Variants in SNAPC4 observed in about 807,000 individuals in gnomAD.
SNAPC4 encodes the protein snRNA-activating protein complex subunit 4.
In SNAPC4, 127 loss-of-function variants were observed where a neutral mutation model predicts 151.3. That is an observed-to-expected ratio of 0.84 (90% CI 0.73 to 0.97). The LOEUF (loss-of-function observed/expected upper bound fraction) is 0.97, where lower values mean the gene tolerates loss of function less well. Ranked by LOEUF, SNAPC4 falls within the 50% of genes least tolerant of loss-of-function variation. SNAPC4 has a pLI of 0.00. For synonymous variants in SNAPC4, 1,002 were observed against 824.4 expected (o/e 1.22, Z -3.69); for missense variants, 2,186 against 1,935.0 (o/e 1.13, Z -2.43).
chr9:136,377,006 G>A (rs958976993), intron 22 of SNAPC4, among the ~76,000 whole-genome samples: 1 of 152,204 alleles, frequency 6.6e-6, no homozygotes, highest in Non-Finnish European at 1.5e-5. Flanking sequence ...CAGGGGAGGA[G>A]GCCTCTCTGG....
chr9:136,385,641 C>G (rs951238118), intron 13 of SNAPC4, among the ~76,000 whole-genome samples: 1 of 151,924 alleles, frequency 6.6e-6, no homozygotes, highest in Non-Finnish European at 1.5e-5. Flanking sequence ...CTGCAACCAC[C>G]AACTCCCAGG....
At position 136,392,053 on chromosome 9, in the gene SNAPC4, C is replaced by T. The variant is rs750791964; in HGVS notation, c.864G>A (p.Glu288=). 6.8e-6 allele frequency: 11 copies of T among 1,612,546 alleles called. No homozygotes were observed. In the Admixed American group the frequency reaches 1.5e-4, roughly 22 times the overall value. ...EEIRKFWQNS[E]HPSINKQEWS... The stretch of plus-strand genomic sequence containing the variant: ...ACTCCTGCTTGTTGATGCTGGGGTG[C>T]TCCGAGTTCTGCCAGAACTTCCGGA... Residue 288 remains glutamate (E), a synonymous_variant, in exon 10 of 24, where the codon GAG becomes GAA. Transcript: ENST00000684778.
rs367974928 is a variant in SNAPC4 at position 136,378,565 on chromosome 9, C to T, written c.3262G>A (p.Val1088Ile). ...AGGCTCACCACAGCTGGTACAGGAA[C>T]AGGGAGAAGCCCCTGGGCTGTGAGC... is the stretch of plus-strand genomic sequence containing the variant. ...WVLTAQGLLP[V>I]PVPAVVSLPR... The change falls in exon 22 of 24, where the codon GTT becomes ATT. Residue 1088 changes from valine (V) to isoleucine (I), a missense_variant. Physicochemically the swap from Val to Ile is conservative, Grantham distance 29. Transcript: ENST00000684778. 7 of 1,591,482 alleles carry T rather than the reference C, an allele frequency of 4.4e-6. No individual in the cohort carries two copies. Among genetic ancestry groups the T allele is most frequent in the African/African-American group, 2.7e-5 (2 of 74,612 alleles).
In SNAPC4 at chr9:136,376,523, C is replaced by T. The variant is rs3812562; in HGVS notation, c.4285-42G>A. 215,833 of 1,605,886 alleles carry T rather than the reference C, an allele frequency of 0.13. 15,683 individuals carry two copies. Among genetic ancestry groups the T allele is most frequent in the Admixed American group, 0.24 (14,131 of 59,760 alleles). On this transcript the variant is annotated intron_variant, in intron 22 of 23. Coordinates refer to ENST00000684778, the MANE Select transcript of SNAPC4 (RefSeq NM_003086.4). ...GCAGTGGGGACAAGAGTGACACCCC[C>T]GAGCCATGATGGACGGGGAAGGGAC...
At chr9:136,387,453 G>A in intron 13 of SNAPC4, 32 bp downstream of exon 13, 1 of 1,482,528 alleles carries the variant, frequency 6.7e-7, no homozygotes, top group South Asian at 1.1e-5. Flanking sequence ...ACCCACACGG[G>A]CCCCTCCCTC....
At chr9:136,390,087 G>C (rs996984074) in intron 10 of SNAPC4, among the ~76,000 whole-genome samples, 4 of 152,124 alleles carry the variant, frequency 2.6e-5, no homozygotes, top group Admixed American at 6.6e-5. Context: ...AGACAGAGTG[G>C]AAGGAAAAGA....
In SNAPC4 at chr9:136,396,847, T is replaced by C. The variant is rs150070852; in HGVS notation, c.177+130A>G. ...TGACAAATGCTTTTTAATTTTTTTA[T>C]AACAAACGTGAATCATTTTTATAAT... is the stretch of plus-strand genomic sequence containing the variant. On this transcript the variant is annotated intron_variant, in intron 3 of 23. Coordinates refer to ENST00000684778, the MANE Select transcript of SNAPC4 (RefSeq NM_003086.4). 2.2e-5 allele frequency: 17 copies of C among 771,586 alleles called. No individual in the cohort carries two copies. The East Asian group carries it at 3.0e-4, about 13-fold the overall frequency. The allele number at this position is 771,586 out of a possible 1,614,324, so 47.8% of individuals were successfully genotyped here.
intron 6 of SNAPC4, among the ~76,000 whole-genome samples, chr9:136,394,585 G>A (rs749377383): frequency 1.4e-4 from 22 of 152,240 alleles, no homozygotes; most frequent in Admixed American, 2.6e-4. Context: ...GGTGGGGTGC[G>A]GCCTGGCTAG....
rs1298961165 is a variant in SNAPC4, at chr9:136,383,284, G to A, written c.1885C>T (p.Gln629Ter). Residue 629 changes from glutamine to a stop codon, truncating the protein, a stop_gained, in exon 16 of 24, where the codon CAG becomes TAG. Transcript: ENST00000684778. LOFTEE classifies it high-confidence loss of function. This position sits in a 1 kb window ranked among gnomAD's most constrained non-coding sequence, Gnocchi z 4.2. ...AAPGEETSPV[Q>*]VPARAHGPVP... ...GGGCCGTGGGCCCTGGCAGGGACCT[G>A]CACCGGACTCGTCTCCTCTCCAGGA... is the stretch of plus-strand genomic sequence containing the variant. The A allele has an allele frequency of 1.2e-6, 2 of 1,612,112 alleles. No homozygotes were observed. The highest frequency in any genetic ancestry group is 8.5e-7 in the Non-Finnish European group (1 of 1,179,736).
At chr9:136,389,538 C>A (rs1420105570) in intron 10 of SNAPC4, among the ~76,000 whole-genome samples, 1 of 151,010 alleles carries the variant, frequency 6.6e-6, no homozygotes, top group Non-Finnish European at 1.5e-5. Context: ...AACAAAACCA[C>A]CACCCCGGGG....
Position 136,378,515 on chromosome 9 carries a change from G to A in SNAPC4, c.3312C>T (p.Gly1104=), listed in dbSNP as rs748910351. The A allele has an allele frequency of 1.9e-6, 3 of 1,592,146 alleles. No individual in the cohort carries two copies. Among genetic ancestry groups the A allele is most frequent in the South Asian group, 2.2e-5 (2 of 89,696 alleles). ...GCAGAGTGGCCAGCAGCCCTGCGGG[G>A]CCAGGGGTCCCTGCTGGCCTGGGAA... is the stretch of plus-strand genomic sequence containing the variant. The part of the protein sequence containing the change: ...VSLPRPAGTP[G]PAGLLATLLP... Residue 1104 remains glycine (G), a synonymous_variant, in exon 22 of 24, where the codon GGC becomes GGT. Transcript: ENST00000684778.
chr9:136,394,412 A>AG, intron 6 of SNAPC4, 82 bp from the exon 7 acceptor site: 1 of 1,300,202 alleles, frequency 7.7e-7, no homozygotes, highest in Admixed American at 1.7e-5. Flanking sequence ...GCACTTCCCG[A>AG]GGCAGTGGTG....
Position 136,383,495 on chromosome 9 carries a change from C to A in SNAPC4, c.1674G>T (p.Ala558=). The A allele has an allele frequency of 1.6e-5, 25 of 1,571,906 alleles. No homozygotes were observed. The highest frequency in any genetic ancestry group is 2.2e-5 in the Non-Finnish European group (25 of 1,159,100). Residue 558 remains alanine (A), a synonymous_variant, in exon 16 of 24, where the codon GCG becomes GCT. Transcript: ENST00000684778. The surrounding 1 kb of genome is among the most constrained non-coding windows in gnomAD (Gnocchi z 4.2). The part of the protein sequence containing the change: ...EQAQAGEGDR[A]LLSPQYMVPD... ...GGACCATGTACTGTGGGGACAGCAG[C>A]GCTCTGTCACCCTCCCCGGCCTGCG...
Position 136,384,808 on chromosome 9 carries a change from G to T in SNAPC4, c.1332C>A (p.Leu444=). ...RSDAQCRDRY[L]RRLHFSLKKG... Reference sequence around the variant, plus strand: ...TTTTCAAGCTGAAATGTAATCTCCTGAGATACCTGAACGTGACATGAAAAG... The same window carrying T: ...TTTTCAAGCTGAAATGTAATCTCCTTAGATACCTGAACGTGACATGAAAAG... The change falls in exon 14 of 24, where the codon CTC becomes CTA. Residue 444 remains leucine, a synonymous_variant. Transcript: ENST00000684778. 1 of 1,574,830 alleles carries T rather than the reference G, an allele frequency of 6.3e-7. No individual in the cohort carries two copies.
Position 136,388,309 on chromosome 9 carries a change from A to T in SNAPC4, c.1123+135T>A. ...AAGTCACTTGAGTCACCAAGAAGCG[A>T]ACTGTGGAACAGCCAGGACTGTCTA... On this transcript the variant is annotated intron_variant, in intron 11 of 23. Coordinates refer to ENST00000684778, the MANE Select transcript of SNAPC4 (RefSeq NM_003086.4). 3 of 811,570 alleles carry T rather than the reference A, an allele frequency of 3.7e-6. No individual in the cohort carries two copies. In the South Asian group the frequency reaches 6.2e-5, roughly 17 times the overall value. The allele number at this position is 811,570 out of a possible 1,614,324, so 50.3% of individuals were successfully genotyped here. A position where few individuals can be genotyped will look rare whatever the true frequency, so the allele number is the denominator to read the frequency against.
chr9:136,389,641 C>T (rs1261923631), intron 10 of SNAPC4, among the ~76,000 whole-genome samples: 1 of 152,234 alleles, frequency 6.6e-6, no homozygotes, highest in African/African-American at 2.4e-5. Flanking sequence ...ACACTCAAGG[C>T]CTCACCCGTC....
intron 5 of SNAPC4, 39 bp from the exon 6 acceptor site, chr9:136,394,917 A>C (rs1023808869): frequency 1.3e-6 from 2 of 1,560,164 alleles, no homozygotes; most frequent in African/African-American, 2.7e-5. Context: ...CACAGGCCAC[A>C]TGTGCTCCCT....
At position 136,399,702 on chromosome 9, in the gene SNAPC4, G is replaced by A. The variant is rs557758170; in HGVS notation, c.-10+432C>T. 9.8e-5 allele frequency among the ~76,000 whole-genome samples: 15 copies of A among 152,318 alleles called. No individual in the cohort carries two copies. The East Asian group carries it at 2.9e-3, about 29-fold the overall frequency. On this transcript the variant is annotated intron_variant, in intron 1 of 23. Coordinates refer to ENST00000684778, the MANE Select transcript of SNAPC4 (RefSeq NM_003086.4). ...GCCACCCAGACTCGGCTGGGCCCAG[G>A]GAACCCCAGGATGCGCCAGGACGAT...
chr9:136,396,877 A>G (rs1434600039), intron 3 of SNAPC4, 100 bp downstream of exon 3: 8 of 880,742 alleles, frequency 9.1e-6, no homozygotes, highest in Non-Finnish European at 1.3e-5. Context: ...TATAATGCAG[A>G]AAAACCAATA....
Sources: allele counts gnomAD v4.1 joint callset (sites outside exome capture counted in the v4.1 genomes callset), GRCh38; gene constraint gnomAD v4.1.1; non-coding constraint Gnocchi (gnomAD v3.1); transcripts MANE v1.5; gene names NCBI Gene and HGNC (gene_info 2026-07-23, HGNC 2026-07-21).